Variants in DGKI observed in about 807,000 individuals in gnomAD.
The protein encoded by DGKI is DAG kinase iota.
In DGKI, 55 loss-of-function variants were observed where a neutral mutation model predicts 147.5. That is an observed-to-expected ratio of 0.37 (90% CI 0.30 to 0.47). The LOEUF (loss-of-function observed/expected upper bound fraction) is 0.47, where lower values mean the gene tolerates loss of function less well. Ranked by LOEUF, DGKI falls within the 20% of genes least tolerant of loss-of-function variation. The pLI is 1.00. For synonymous variants in DGKI, 469 were observed against 477.1 expected (o/e 0.98, Z 0.22); for missense variants, 1,007 against 1,323.8 (o/e 0.76, Z 3.71).
At chr7:137,546,397 T>C (rs1817867349) in intron 20 of DGKI, among the ~76,000 whole-genome samples, 1 of 152,160 alleles carries the variant, frequency 6.6e-6, no homozygotes, top group Non-Finnish European at 1.5e-5. Context: ...AACCCTTTCA[T>C]CACACAGCCA....
At chr7:137,582,434 CTATA>C (rs1554436072) in intron 14 of DGKI, among the ~76,000 whole-genome samples, 13 of 148,416 alleles carry the variant, frequency 8.8e-5, no homozygotes, top group Admixed American at 3.5e-4. Context: ...CTCTCTCTCT[CTATA>C]TATATATATA....
Position 137,454,901 on chromosome 7 carries a change from A to G in DGKI, c.2735+8588T>C, listed in dbSNP as rs544807815. ...GGACTTCTTTTTTTTCTTTTTAAGC[A>G]TAAGTTGAAACATGAGGGAGCTCTG... On this transcript the variant is annotated intron_variant, in intron 27 of 32. Coordinates refer to ENST00000614521, the MANE Select transcript of DGKI (RefSeq NM_001321708.2). 3.9e-5 allele frequency: 6 copies of G among 152,138 alleles called. No individual in the cohort carries two copies. In the South Asian group the frequency reaches 8.3e-4, roughly 21 times the overall value. The allele number at this position is 152,138 out of a possible 1,614,324, so 9.4% of individuals were successfully genotyped here. A position where few individuals can be genotyped will look rare whatever the true frequency, so the allele number is the denominator to read the frequency against.
At chr7:137,461,357 T>C (rs1814435661) in intron 27 of DGKI, among the ~76,000 whole-genome samples, 1 of 152,260 alleles carries the variant, frequency 6.6e-6, no homozygotes, top group Non-Finnish European at 1.5e-5. Flanking sequence ...CATTTAATTA[T>C]GATACAAAGC....
intron 1 of DGKI, among the ~76,000 whole-genome samples, chr7:137,742,708 G>C (rs781307018): frequency 1.3e-5 from 2 of 150,762 alleles, no homozygotes; most frequent in Admixed American, 6.6e-5. Flanking sequence ...ATCAAGAAAG[G>C]TACTCAGCTA....
chr7:137,813,225 C>G (rs920009917), intron 1 of DGKI, among the ~76,000 whole-genome samples: 2 of 152,184 alleles, frequency 1.3e-5, no homozygotes, highest in African/African-American at 2.4e-5. Flanking sequence ...AAAGTGCAGA[C>G]AGTCACTCTC....
intron 14 of DGKI, among the ~76,000 whole-genome samples, chr7:137,582,441 T>C (rs1380934676): frequency 6.6e-6 from 1 of 151,628 alleles, no homozygotes; most frequent in Admixed American, 6.6e-5. Flanking sequence ...TCTCTATATA[T>C]ATATATATAT....
intron 20 of DGKI, among the ~76,000 whole-genome samples, chr7:137,537,132 T>C (rs1470671004): frequency 6.6e-6 from 1 of 152,132 alleles, no homozygotes; most frequent in Non-Finnish European, 1.5e-5. Flanking sequence ...GTCAAGAAAC[T>C]GTGCACAGTC....
intron 1 of DGKI, among the ~76,000 whole-genome samples, chr7:137,796,367 G>A (rs1797029983): frequency 6.6e-6 from 1 of 152,122 alleles, no homozygotes; most frequent in Non-Finnish European, 1.5e-5. Flanking sequence ...GGGCATGGTG[G>A]TGGATGCCTG....
intron 30 of DGKI, among the ~76,000 whole-genome samples, chr7:137,401,928 T>C (rs529223179): frequency 2.3e-4 from 35 of 152,310 alleles, no homozygotes; most frequent in African/African-American, 8.4e-4. Context: ...GGTGCCACCC[T>C]GCATTGTGGT....
intron 19 of DGKI, among the ~76,000 whole-genome samples, chr7:137,562,745 G>A (rs1723097): frequency 0.021 from 3,155 of 151,978 alleles, 107 homozygotes; most frequent in African/African-American, 0.072. Flanking sequence ...GACTCAAGAA[G>A]AAATAGATAA....
chr7:137,392,460 C>T (rs1811400569), intron 32 of DGKI, among the ~76,000 whole-genome samples: 1 of 152,126 alleles, frequency 6.6e-6, no homozygotes, highest in African/African-American at 2.4e-5. Flanking sequence ...GCTCCATGTA[C>T]AAATGCACAC....
chr7:137,765,443 G>A (rs1795988009), intron 1 of DGKI, among the ~76,000 whole-genome samples: 1 of 151,942 alleles, frequency 6.6e-6, no homozygotes, highest in Non-Finnish European at 1.5e-5. Flanking sequence ...TTCCAGTTTT[G>A]TGTCTGCCAC....
chr7:137,522,299 T>C (rs929326292), intron 20 of DGKI, among the ~76,000 whole-genome samples: 1 of 152,056 alleles, frequency 6.6e-6, no homozygotes, highest in Non-Finnish European at 1.5e-5. Context: ...AAATCTGAAA[T>C]AGTGGGAGGT....
At chr7:137,567,172 G>A (rs952928997) in intron 19 of DGKI, among the ~76,000 whole-genome samples, 2 of 151,304 alleles carry the variant, frequency 1.3e-5, no homozygotes, top group African/African-American at 4.9e-5. Flanking sequence ...GCTAAGGCAG[G>A]AGAATCGCTT....
intron 10 of DGKI, among the ~76,000 whole-genome samples, chr7:137,606,521 G>A (rs566668732): frequency 2.6e-5 from 4 of 152,190 alleles, no homozygotes; most frequent in South Asian, 2.1e-4. Flanking sequence ...CAGCACCTGC[G>A]AGCTTATTAC....
chr7:137,658,937 T>A (rs1179424865), intron 3 of DGKI, among the ~76,000 whole-genome samples: 1 of 152,242 alleles, frequency 6.6e-6, no homozygotes, highest in African/African-American at 2.4e-5. Context: ...TGCTGTAAGT[T>A]CTAAAACTGA....
At chr7:137,745,433 A>T (rs956073835) in intron 1 of DGKI, among the ~76,000 whole-genome samples, 5 of 152,342 alleles carry the variant, frequency 3.3e-5, no homozygotes, top group Non-Finnish European at 7.3e-5. Context: ...AAAATATTAA[A>T]TGGAAAATTC....
rs796348842 is a variant in DGKI, at chr7:137,744,698, A to G, written c.402-54696T>C. ...CATATCAAAAAGTGAATTCACCATG[A>G]TAAAGTCAGCTTTAATCCTGGGATG... On this transcript the variant is annotated intron_variant, in intron 1 of 32. Transcript: ENST00000614521. Among the ~76,000 whole-genome samples, 35 of 152,340 alleles carry G rather than the reference A, an allele frequency of 2.3e-4. 1 individual carries two copies. The highest frequency in any genetic ancestry group is 8.2e-4 in the African/African-American group (34 of 41,586).
At chr7:137,558,264 T>G (rs901376261) in intron 19 of DGKI, among the ~76,000 whole-genome samples, 5 of 120,472 alleles carry the variant, frequency 4.2e-5, no homozygotes, top group Non-Finnish European at 7.6e-5. Flanking sequence ...AGGCACTGGG[T>G]TTTTTTTATT....
Sources: allele counts gnomAD v4.1 joint callset (sites outside exome capture counted in the v4.1 genomes callset), GRCh38; gene constraint gnomAD v4.1.1; transcripts MANE v1.5; gene names NCBI Gene and HGNC (gene_info 2026-07-23, HGNC 2026-07-21).